Variants in LRRC4C observed in about 807,000 individuals in gnomAD.
The protein encoded by LRRC4C is leucine-rich repeat-containing protein 4C.
A neutral mutation model predicts 33.6 loss-of-function variants in LRRC4C; 5 were observed. The ratio of observed to expected loss-of-function variants is 0.15; its 90% CI spans 0.08 to 0.31. LRRC4C has a LOEUF of 0.31. Among genes scored for constraint, LRRC4C ranks in the 10% least tolerant of loss-of-function variants. The pLI is 1.00. For missense variants in LRRC4C, 560 were observed against 796.7 expected, an observed-to-expected ratio of 0.70 and a Z score of 3.58; for synonymous variants, 329 against 302.0, an observed-to-expected ratio of 1.09 and a Z score of -0.93.
chr11:41,258,856 G>A (rs1461081915), intron 1 of LRRC4C, among the ~76,000 whole-genome samples: 1 of 152,104 alleles, frequency 6.6e-6, no homozygotes, highest in Non-Finnish European at 1.5e-5. Context: ...GGCTCTCAGA[G>A]CTGAGTTGTA....
chr11:41,434,181 C>A (rs1955343402), intron 1 of LRRC4C, among the ~76,000 whole-genome samples: 1 of 152,020 alleles, frequency 6.6e-6, no homozygotes, highest in South Asian at 2.1e-4. Flanking sequence ...CCACAGATTC[C>A]CAATTTATTT....
Position 40,296,720 on chromosome 11 carries a change from C to T in LRRC4C, c.-176+22908G>A, listed in dbSNP as rs1203907306. ...AGTACACATGCAAACCAAATTGTTG[C>T]TGAAAAAAAACATAATTATAGATAT... On this transcript the variant is annotated intron_variant, in intron 4 of 6. Transcript: ENST00000528697. Among the ~76,000 whole-genome samples the T allele has an allele frequency of 3.3e-5, 5 of 151,858 alleles. No homozygotes were observed. In the South Asian group the frequency reaches 1.0e-3, roughly 32 times the overall value.
chr11:40,444,166 G>A (rs1158226446), intron 3 of LRRC4C, among the ~76,000 whole-genome samples: 1 of 151,998 alleles, frequency 6.6e-6, no homozygotes, highest in East Asian at 1.9e-4. Flanking sequence ...TGAAGAAGTA[G>A]TACTATTATC....
intron 2 of LRRC4C, among the ~76,000 whole-genome samples, chr11:40,834,950 A>ACAGC (rs1952603645): frequency 6.6e-6 from 1 of 150,644 alleles, no homozygotes; most frequent in African/African-American, 2.4e-5. Context: ...ACACACACAC[A>ACAGC]GCTGAGCAAC....
chr11:40,235,611 T>C (rs1366482663), intron 5 of LRRC4C, among the ~76,000 whole-genome samples: 1 of 152,174 alleles, frequency 6.6e-6, no homozygotes, highest in East Asian at 1.9e-4. Context: ...ATAAATAAGA[T>C]ACAAGTCGTG....
At chr11:41,403,058 A>G (rs1324503209) in intron 1 of LRRC4C, among the ~76,000 whole-genome samples, 3 of 152,082 alleles carry the variant, frequency 2.0e-5, no homozygotes, top group Non-Finnish European at 2.9e-5. Flanking sequence ...GCTGAAGTAT[A>G]GACAGCTTAG....
intron 2 of LRRC4C, among the ~76,000 whole-genome samples, chr11:40,753,726 T>A (rs1948808809): frequency 6.6e-6 from 1 of 152,074 alleles, no homozygotes; most frequent in Non-Finnish European, 1.5e-5. Context: ...GTGCGTCATA[T>A]TCTTTACACA....
intron 2 of LRRC4C, among the ~76,000 whole-genome samples, chr11:40,881,755 T>G (rs1029876883): frequency 6.6e-6 from 1 of 152,070 alleles, no homozygotes; most frequent in Non-Finnish European, 1.5e-5. Flanking sequence ...CTCTGTGAAA[T>G]TTTGTCAAGA....
intron 5 of LRRC4C, among the ~76,000 whole-genome samples, chr11:40,172,654 T>A (rs1335068627): frequency 6.6e-6 from 1 of 151,958 alleles, no homozygotes; most frequent in African/African-American, 2.4e-5. Flanking sequence ...CATATACCTG[T>A]CTCCTAGTTA....
intron 3 of LRRC4C, among the ~76,000 whole-genome samples, chr11:40,364,225 G>T (rs1288980553): frequency 6.6e-6 from 1 of 151,962 alleles, no homozygotes; most frequent in Non-Finnish European, 1.5e-5. Flanking sequence ...CAAAGAAACT[G>T]AAGAAATCTA....
chr11:40,778,167 T>A (rs560452767), intron 2 of LRRC4C, among the ~76,000 whole-genome samples: 1 of 152,328 alleles, frequency 6.6e-6, no homozygotes, highest in East Asian at 1.9e-4. Context: ...GACTATGTAC[T>A]CAAATTTTTT....
intron 2 of LRRC4C, among the ~76,000 whole-genome samples, chr11:40,687,645 T>A (rs932396558): frequency 2.0e-5 from 3 of 152,138 alleles, no homozygotes; most frequent in African/African-American, 7.2e-5. Flanking sequence ...TAAGTATTAA[T>A]ATATGAGAAA....
At chr11:40,311,131 A>C (rs1324837383) in intron 4 of LRRC4C, among the ~76,000 whole-genome samples, 2 of 152,170 alleles carry the variant, frequency 1.3e-5, no homozygotes, top group Admixed American at 6.5e-5. Context: ...TCATCCATAA[A>C]ATCTTCTGTG....
chr11:41,410,415 T>C (rs1341670986), intron 1 of LRRC4C, among the ~76,000 whole-genome samples: 5 of 150,402 alleles, frequency 3.3e-5, no homozygotes, highest in East Asian at 1.9e-4. Flanking sequence ...TTTTTTTTTT[T>C]CTTTTTTTTT....
intron 3 of LRRC4C, among the ~76,000 whole-genome samples, chr11:40,327,382 G>A (rs772271821): frequency 3.3e-5 from 5 of 151,970 alleles, no homozygotes; most frequent in South Asian, 2.1e-4. Flanking sequence ...TATTTATTTC[G>A]AATTCATTGA....
intron 3 of LRRC4C, among the ~76,000 whole-genome samples, chr11:40,644,944 G>T (rs1942355098): frequency 1.4e-5 from 2 of 144,490 alleles, no homozygotes; most frequent in Admixed American, 1.4e-4. Context: ...CGGGATCTCT[G>T]TGTTTTTTTT....
chr11:41,123,262 T>TTTTTG (rs1565404076), intron 1 of LRRC4C, among the ~76,000 whole-genome samples: 2 of 31,990 alleles, frequency 6.3e-5, no homozygotes. Context: ...CTATGTTTTG[T>TTTTTG]TTTTTTTTTT....
chr11:40,250,108 A>C (rs1866665950), intron 4 of LRRC4C, among the ~76,000 whole-genome samples: 1 of 152,168 alleles, frequency 6.6e-6, no homozygotes, highest in Non-Finnish European at 1.5e-5. Context: ...AATTCTAATC[A>C]CTGGATCCTT....
intron 3 of LRRC4C, among the ~76,000 whole-genome samples, chr11:40,635,313 T>C (rs920286658): frequency 1.3e-5 from 2 of 152,178 alleles, no homozygotes; most frequent in Non-Finnish European, 2.9e-5. Flanking sequence ...CAGGAAGATT[T>C]TTCTAAAGCT....
Sources: allele counts gnomAD v4.1 joint callset (sites outside exome capture counted in the v4.1 genomes callset), GRCh38; gene constraint gnomAD v4.1.1; transcripts MANE v1.5; gene names NCBI Gene and HGNC (gene_info 2026-07-23, HGNC 2026-07-21).